The following PJVK variants were observed in gnomAD, a reference collection of about 807,000 sequenced individuals.
PJVK encodes pejvakin.
Under a neutral mutation model 37.6 loss-of-function variants are expected in PJVK, and 33 were observed. The ratio of observed to expected loss-of-function variants is 0.88; its 90% CI spans 0.67 to 1.17. The LOEUF (loss-of-function observed/expected upper bound fraction) is 1.17, where lower values mean the gene tolerates loss of function less well. Ranked by LOEUF, PJVK falls within the 50% of genes most tolerant of loss-of-function variation. The pLI is 0.00. For synonymous variants in PJVK, 141 were observed against 143.5 expected, an observed-to-expected ratio of 0.98 and a Z score of 0.13; for missense variants, 410 against 413.8, an observed-to-expected ratio of 0.99 and a Z score of 0.08.
chr2:178,454,706 C>T, intron 3 of PJVK, 179 bp downstream of exon 3: 1 of 1,520,694 alleles, frequency 6.6e-7, no homozygotes, highest in Non-Finnish European at 9.0e-7. Flanking sequence ...TATCAAAAAT[C>T]ACTTGGCTGA....
At position 178,460,354 on chromosome 2, in the gene PJVK, G is replaced by A; in HGVS notation, c.674G>A (p.Cys225Tyr). Residue 225 changes from cysteine (C) to tyrosine (Y), a missense_variant, in exon 6 of 7, where the codon TGT becomes TAT. By Grantham distance (194) the Cys-to-Tyr change is radical. Transcript: ENST00000644580. ...FIYLDGAFDL[C>Y]VTSVSKGGFE... Reference sequence around the variant, plus strand: ...CTAACAATTTTTTTTGTAGACCTTTGTGTCACTTCAGTGTCAAAAGGAGGA... The same window carrying A: ...CTAACAATTTTTTTTGTAGACCTTTATGTCACTTCAGTGTCAAAAGGAGGA... 1.9e-6 allele frequency: 3 copies of A among 1,613,584 alleles called. No homozygotes were observed. Among genetic ancestry groups the A allele is most frequent in the East Asian group, 2.2e-5 (1 of 44,836 alleles).
At chr2:178,453,148 A>G (rs1284129046) in intron 1 of PJVK, 2 of 430,892 alleles carry the variant, frequency 4.6e-6, no homozygotes, top group Non-Finnish European at 8.6e-6. Context: ...TTCTGTGTAT[A>G]TTTTAGTGCT....
intron 3 of PJVK, among the ~76,000 whole-genome samples, chr2:178,455,655 A>C (rs997319418): frequency 3.3e-5 from 5 of 152,148 alleles, no homozygotes; most frequent in African/African-American, 1.2e-4. Context: ...AAAAAAAAAA[A>C]AAACCACTTG....
intron 1 of PJVK, 31 bp downstream of exon 1, chr2:178,451,800 G>T (rs1304907706): frequency 1.0e-6 from 1 of 985,340 alleles, no homozygotes; most frequent in Non-Finnish European, 1.2e-6. Context: ...CACGTTAGGA[G>T]TAAACGAAGG....
chr2:178,452,720 A>G, intron 1 of PJVK: 1 of 756,130 alleles, frequency 1.3e-6, no homozygotes, highest in Non-Finnish European at 1.6e-6. Context: ...GCCCAACTTC[A>G]GAGTAAGAAA....
intron 2 of PJVK, chr2:178,453,915 G>T: frequency 2.7e-6 from 1 of 368,720 alleles, no homozygotes; most frequent in East Asian, 6.6e-5. Context: ...ATATTATTTG[G>T]GCTTACCTAT....
intron 3 of PJVK, chr2:178,455,328 T>C (rs925988937): frequency 3.1e-6 from 4 of 1,290,076 alleles, no homozygotes; most frequent in African/African-American, 1.5e-5. Context: ...CAGAAGTCCA[T>C]GGGGCTGCCA....
At chr2:178,457,544 GGTCATT>G (rs1248941880) in intron 4 of PJVK, among the ~76,000 whole-genome samples, 1 of 152,138 alleles carries the variant, frequency 6.6e-6, no homozygotes, top group African/African-American at 2.4e-5. Flanking sequence ...GCGGGGTTTG[GGTCATT>G]GTCTTTTAGA....
intron 4 of PJVK, among the ~76,000 whole-genome samples, chr2:178,457,715 C>T (rs900800457): frequency 6.6e-6 from 1 of 152,168 alleles, no homozygotes; most frequent in Non-Finnish European, 1.5e-5. Flanking sequence ...ATGGGCTTCG[C>T]GTCCAACCAG....
At chr2:178,453,678 C>T in intron 2 of PJVK, 58 bp downstream of exon 2, 1 of 1,391,410 alleles carries the variant, frequency 7.2e-7, no homozygotes, top group Non-Finnish European at 1.0e-6. Flanking sequence ...GCAACCTAAA[C>T]ATAGGTCATA....
intron 5 of PJVK, among the ~76,000 whole-genome samples, chr2:178,458,994 A>G (rs570963800): frequency 6.6e-6 from 1 of 152,218 alleles, no homozygotes; most frequent in Admixed American, 6.5e-5. Context: ...GGTAGATAGT[A>G]GGATGCCTGA....
In PJVK at chr2:178,456,073, T is replaced by C. The variant is rs1419413894; in HGVS notation, c.471T>C (p.Cys157=). ...QSRSSRKAVL[C]VVMESIRTTR... ...GGAGCAGCAGAAAGGCAGTATTGTG[T>C]GTGGTCATGGAGAGCATCCGAACCA... Residue 157 remains cysteine, a synonymous_variant, in exon 4 of 7, where the codon TGT becomes TGC. Coordinates refer to ENST00000644580, the MANE Select transcript of PJVK (RefSeq NM_001042702.5). 1.7e-5 allele frequency: 27 copies of C among 1,614,100 alleles called. No homozygotes were observed. Among genetic ancestry groups the C allele is most frequent in the Non-Finnish European group, 2.2e-5 (26 of 1,180,042 alleles).
At position 178,451,724 on chromosome 2, in the gene PJVK, C is replaced by G; in HGVS notation, c.-68C>G. 2 of 969,640 alleles carry G rather than the reference C, an allele frequency of 2.1e-6. No individual in the cohort carries two copies. The highest frequency in any genetic ancestry group is 1.8e-5 in the African/African-American group (1 of 57,058). The allele number at this position is 969,640 out of a possible 1,614,324, so 60.1% of individuals were successfully genotyped here. On this transcript the variant is annotated 5_prime_UTR_variant, in exon 1 of 7. Transcript: ENST00000644580. ...AAACACCCGCTCCTCTCCCGCCGGG[C>G]GGGCTCCTTTGTCTTCTGGGCTTTC...
intron 5 of PJVK, chr2:178,460,039 T>A: frequency 3.1e-6 from 1 of 317,946 alleles, no homozygotes; most frequent in Non-Finnish European, 6.0e-6. Context: ...ATATGCATCT[T>A]TCTTTATGCT....
intron 2 of PJVK, 35 bp downstream of exon 2, chr2:178,453,655 A>G (rs1369752513): frequency 6.4e-7 from 1 of 1,557,842 alleles, no homozygotes; most frequent in Non-Finnish European, 8.8e-7. Flanking sequence ...CAACTCATTC[A>G]TCTGTATTAT....
chr2:178,461,353 T>A lies in PJVK; in HGVS notation c.*79T>A, dbSNP rs1180294508. 2 of 1,515,838 alleles carry A rather than the reference T, an allele frequency of 1.3e-6. No individual in the cohort carries two copies. The highest frequency in any genetic ancestry group is 1.8e-6 in the Non-Finnish European group (2 of 1,107,616). The allele number at this position is 1,515,838 out of a possible 1,614,324, so 93.9% of individuals were successfully genotyped here. A position where few individuals can be genotyped will look rare whatever the true frequency, so the allele number is the denominator to read the frequency against. On this transcript the variant is annotated 3_prime_UTR_variant, in exon 7 of 7. Transcript: ENST00000644580. ...CTTCCCTAAATTATCTAGGTTTGCT[T>A]TGATGAATTAAATTAAAATGAGAAA...
At chr2:178,452,665 A>G in intron 1 of PJVK, 2 of 978,688 alleles carry the variant, frequency 2.0e-6, no homozygotes, top group South Asian at 9.5e-5. Context: ...ATAATGAAAC[A>G]AAAAGATGCA....
At chr2:178,456,561 T>C (rs1436622454) in intron 4 of PJVK, among the ~76,000 whole-genome samples, 1 of 151,468 alleles carries the variant, frequency 6.6e-6, no homozygotes, top group Admixed American at 6.6e-5. Context: ...CAGTCAGGAG[T>C]TGGAGATCAA....
rs1332034643 is a variant in PJVK at position 178,453,606 on chromosome 2, G to A, written c.197G>A (p.Arg66Lys). Residue 66 changes from arginine to lysine, a missense_variant, in exon 2 of 7, where the codon AGA (arginine) becomes AAA (lysine). Coordinates refer to ENST00000644580, the MANE Select transcript of PJVK (RefSeq NM_001042702.5). ...CTGAAAGATATTCTCCTAGGAGACAGAGAAATTTCAGCTGGTAAGTTTAAA... is the reference window on the plus strand; with the variant it reads ...CTGAAAGATATTCTCCTAGGAGACAAAGAAATTTCAGCTGGTAAGTTTAAA... ...FTLKDILLGDREISAGISSYQ... is the reference protein window; with the variant it reads ...FTLKDILLGDKEISAGISSYQ... 6.2e-7 allele frequency: 1 copy of A among 1,612,682 alleles called. No individual in the cohort carries two copies. Among genetic ancestry groups the A allele is most frequent in the Admixed American group, 1.7e-5 (1 of 59,926 alleles).
Sources: gnomAD v4.1 joint callset for allele counts (sites outside exome capture counted in the v4.1 genomes callset) on GRCh38, gnomAD v4.1.1 for gene constraint, MANE v1.5 for transcripts, NCBI Gene and HGNC (gene_info 2026-07-23, HGNC 2026-07-21) for gene names.